CDH18: variants seen among roughly 807,000 people sequenced by gnomAD.
CDH18 encodes the protein cadherin 18, also known as cadherin-18.
A neutral mutation model predicts 67.9 loss-of-function variants in CDH18; 31 were observed. The observed-to-expected ratio is 0.46, with a 90% confidence interval of 0.34 to 0.62. The LOEUF (loss-of-function observed/expected upper bound fraction) is 0.62. Among genes scored for constraint, CDH18 ranks in the 20% least tolerant of loss-of-function variants. CDH18 has a pLI of 0.01. For missense variants in CDH18, 890 were observed against 975.5 expected (o/e 0.91, Z 1.17); for synonymous variants, 362 against 347.2 (o/e 1.04, Z -0.48).
chr5:19,822,727 C>A (rs145580711), intron 3 of CDH18, among the ~76,000 whole-genome samples: 6,327 of 152,194 alleles, frequency 0.042, 448 homozygotes, highest in African/African-American at 0.14. Flanking sequence ...ATCACAGGAC[C>A]ACAGGACTGG....
chr5:20,117,342 G>T (rs57878094), intron 2 of CDH18, among the ~76,000 whole-genome samples: 1 of 151,952 alleles, frequency 6.6e-6, no homozygotes, highest in African/African-American at 2.4e-5. Context: ...GAAAAATGAA[G>T]TATGACTAAT....
intron 1 of CDH18, among the ~76,000 whole-genome samples, chr5:20,486,991 T>A (rs970244308): frequency 1.3e-5 from 2 of 152,140 alleles, no homozygotes; most frequent in Non-Finnish European, 2.9e-5. Flanking sequence ...AGGGATAGGT[T>A]ACAGCTGACA....
chr5:19,551,853 A>G (rs929701419), intron 8 of CDH18, among the ~76,000 whole-genome samples: 1 of 152,144 alleles, frequency 6.6e-6, no homozygotes, highest in Non-Finnish European at 1.5e-5. Context: ...CAGAAAATTA[A>G]TTTTTAATTT....
intron 1 of CDH18, among the ~76,000 whole-genome samples, chr5:20,405,532 G>A (rs976321234): frequency 6.6e-6 from 1 of 152,146 alleles, no homozygotes; most frequent in Non-Finnish European, 1.5e-5. Context: ...GATGGGCAAG[G>A]ACTTCATGTC....
chr5:20,311,213 T>G (rs7731351), intron 1 of CDH18, among the ~76,000 whole-genome samples: 5,694 of 152,216 alleles, frequency 0.037, 265 homozygotes, highest in African/African-American at 0.11. Flanking sequence ...GTAAATTAGT[T>G]CAACCATTGT....
At chr5:19,776,271 C>A (rs796478815) in intron 3 of CDH18, among the ~76,000 whole-genome samples, 57 of 152,164 alleles carry the variant, frequency 3.7e-4, no homozygotes, top group African/African-American at 1.3e-3. Context: ...TTTTCTTTTC[C>A]ACCTACTCAA....
At chr5:19,994,613 G>A (rs1735734997) in intron 2 of CDH18, among the ~76,000 whole-genome samples, 1 of 145,518 alleles carries the variant, frequency 6.9e-6, no homozygotes, top group Non-Finnish European at 1.5e-5. Context: ...CTAGTGAGGA[G>A]TAAAAGATTA....
chr5:20,185,445 A>C (rs949475626), intron 2 of CDH18, among the ~76,000 whole-genome samples: 1 of 152,070 alleles, frequency 6.6e-6, no homozygotes, highest in African/African-American at 2.4e-5. Context: ...CATGTCACTC[A>C]GAATAAAGTC....
At chr5:19,774,351 C>T (rs1774049595) in intron 3 of CDH18, among the ~76,000 whole-genome samples, 1 of 151,334 alleles carries the variant, frequency 6.6e-6, no homozygotes, top group Middle Eastern at 3.4e-3. Flanking sequence ...GTGGTGGAGG[C>T]TGAAGTGAGC....
intron 1 of CDH18, among the ~76,000 whole-genome samples, chr5:20,377,085 G>A (rs1050074068): frequency 3.3e-5 from 5 of 151,900 alleles, no homozygotes; most frequent in African/African-American, 2.4e-5. Flanking sequence ...TTTCTGAAGC[G>A]GTCACTTCCC....
intron 3 of CDH18, among the ~76,000 whole-genome samples, chr5:19,834,326 G>A (rs1471836152): frequency 6.6e-6 from 1 of 151,970 alleles, no homozygotes; most frequent in Non-Finnish European, 1.5e-5. Context: ...GGTGTTTATA[G>A]TATTCTCTGA....
At chr5:19,593,707 C>CCTCCTCCTCCTT in intron 6 of CDH18, among the ~76,000 whole-genome samples, 8 of 33,402 alleles carry the variant, frequency 2.4e-4, no homozygotes, top group African/African-American at 9.3e-4. Flanking sequence ...TCCTCCTCCT[C>CCTCCTCCTCCTT]CTTCTTCTTC....
chr5:19,611,981 T>TGTGTGC lies in CDH18; in HGVS notation c.811+447_811+452dup, dbSNP rs1396928373. On this transcript the variant is annotated intron_variant, in intron 6 of 12. Coordinates refer to ENST00000382275, the MANE Select transcript of CDH18 (RefSeq NM_004934.5). ...GTGTGTGTGTGTGTGTGTGTGTGTG[T>TGTGTGC]GTGTGCATACATGCATGCATTTGTA... 2.0e-5 allele frequency among the ~76,000 whole-genome samples: 3 copies of TGTGTGC among 151,532 alleles called. No homozygotes were observed. The East Asian group carries it at 5.8e-4, about 29-fold the overall frequency.
chr5:20,466,825 G>A (rs1751663495), intron 1 of CDH18, among the ~76,000 whole-genome samples: 1 of 152,040 alleles, frequency 6.6e-6, no homozygotes, highest in Admixed American at 6.6e-5. Context: ...CATAAACAAG[G>A]CTTATCATTC....
At chr5:19,915,000 C>T (rs1170006851) in intron 2 of CDH18, among the ~76,000 whole-genome samples, 1 of 152,052 alleles carries the variant, frequency 6.6e-6, no homozygotes, top group Non-Finnish European at 1.5e-5. Context: ...TACTAAATGT[C>T]CTATGTGATA....
chr5:19,776,969 T>A (rs983895579), intron 3 of CDH18, among the ~76,000 whole-genome samples: 8 of 152,160 alleles, frequency 5.3e-5, no homozygotes, highest in Admixed American at 1.3e-4. Flanking sequence ...TTGAGTCTCG[T>A]ATGTTTTTAT....
At chr5:19,491,597 C>G (rs1274123573) in intron 11 of CDH18, among the ~76,000 whole-genome samples, 2 of 152,288 alleles carry the variant, frequency 1.3e-5, no homozygotes, top group East Asian at 3.9e-4. Context: ...CTCCAAAAGA[C>G]TTCTTTCTAA....
intron 1 of CDH18, among the ~76,000 whole-genome samples, chr5:20,389,817 C>A (rs980456730): frequency 5.9e-5 from 9 of 152,102 alleles, no homozygotes; most frequent in Non-Finnish European, 1.3e-4. Flanking sequence ...AGAACAGAGC[C>A]CTCAGAAACA....
At chr5:19,645,234 GCA>G (rs1754571231) in intron 5 of CDH18, among the ~76,000 whole-genome samples, 2 of 152,178 alleles carry the variant, frequency 1.3e-5, no homozygotes, top group Non-Finnish European at 2.9e-5. Flanking sequence ...AATATTATGT[GCA>G]GTTATAGGAA....
Sources: allele counts gnomAD v4.1 joint callset (sites outside exome capture counted in the v4.1 genomes callset), GRCh38; gene constraint gnomAD v4.1.1; transcripts MANE v1.5; gene names NCBI Gene and HGNC (gene_info 2026-07-23, HGNC 2026-07-21).